The following COL24A1 variants were observed in gnomAD, a reference collection of about 807,000 sequenced individuals.
COL24A1 encodes the protein collagen alpha-1(XXIV) chain.
COL24A1 carries 224 observed loss-of-function variants against 253.9 expected under a neutral mutation model. The observed-to-expected ratio is 0.88, with a 90% CI of 0.79 to 0.99. The LOEUF is 0.99. Among genes scored for constraint, COL24A1 ranks in the 50% least tolerant of loss-of-function variants. The pLI is 0.00. For synonymous variants in COL24A1, 685 were observed against 673.7 expected (o/e 1.02, Z -0.26); for missense variants, 2,131 against 2,068.5 (o/e 1.03, Z -0.59).
chr1:85,858,621 C>CTCCTTCCTTCCTTCCTTCCTTCCTTCCT (rs1192322864), intron 37 of COL24A1, among the ~76,000 whole-genome samples: 4 of 113,370 alleles, frequency 3.5e-5, no homozygotes, highest in African/African-American at 9.3e-5. Flanking sequence ...TATTTTCTCC[C>CTCCTTCCTTCCTTCCTTCCTTCCTTCCT]TCCTTCCTTC....
intron 10 of COL24A1, among the ~76,000 whole-genome samples, chr1:86,051,554 T>C (rs910978123): frequency 1.3e-5 from 2 of 152,148 alleles, no homozygotes; most frequent in African/African-American, 2.4e-5. Flanking sequence ...GTCTGTGTGA[T>C]TGGTGGGCAA....
intron 45 of COL24A1, among the ~76,000 whole-genome samples, chr1:85,819,859 T>TG (rs1673432115): frequency 6.7e-6 from 1 of 150,326 alleles, no homozygotes; most frequent in African/African-American, 2.4e-5. Context: ...TTTTTTTTTT[T>TG]TTTTTTGAGA....
At chr1:85,961,422 T>A in intron 23 of COL24A1, 129 bp from the exon 24 acceptor site, 2 of 728,424 alleles carry the variant, frequency 2.7e-6, no homozygotes, top group Non-Finnish European at 4.6e-6. Flanking sequence ...GAAATTTCAG[T>A]TACTTAAAAC....
chr1:86,079,869 C>CA (rs1255411322), intron 7 of COL24A1, among the ~76,000 whole-genome samples: 2 of 151,966 alleles, frequency 1.3e-5, no homozygotes, highest in Non-Finnish European at 2.9e-5. Context: ...GGAGGTTCCT[C>CA]AAAAAAGTAA....
chr1:85,873,879 T>C (rs1478783780), intron 35 of COL24A1, among the ~76,000 whole-genome samples: 1 of 151,846 alleles, frequency 6.6e-6, no homozygotes, highest in East Asian at 1.9e-4. Context: ...CTTTTAGATA[T>C]GGAACTTGCA....
chr1:85,798,303 G>A (rs1400231253), intron 47 of COL24A1, among the ~76,000 whole-genome samples: 2 of 151,696 alleles, frequency 1.3e-5, no homozygotes, highest in East Asian at 3.9e-4. Context: ...TTGCCAATAC[G>A]CTGCCAAATA....
intron 22 of COL24A1, among the ~76,000 whole-genome samples, chr1:85,966,173 A>G (rs1293902646): frequency 6.6e-6 from 1 of 152,164 alleles, no homozygotes; most frequent in Non-Finnish European, 1.5e-5. Flanking sequence ...CTGGCGGGTC[A>G]TGTGTGAAAC....
At chr1:85,794,487 C>G (rs1056358005) in intron 47 of COL24A1, among the ~76,000 whole-genome samples, 1 of 152,108 alleles carries the variant, frequency 6.6e-6, no homozygotes, top group Admixed American at 6.5e-5. Context: ...AGATATTTAA[C>G]CCAGTAGAAT....
At chr1:85,998,316 C>T (rs1183048113) in intron 19 of COL24A1, among the ~76,000 whole-genome samples, 1 of 152,188 alleles carries the variant, frequency 6.6e-6, no homozygotes, top group Non-Finnish European at 1.5e-5. Context: ...CTGGTTCTTG[C>T]ACCACGTAAC....
At chr1:85,823,786 C>T (rs747902629) in intron 43 of COL24A1, 48 bp from the exon 44 acceptor site, 1 of 1,541,514 alleles carries the variant, frequency 6.5e-7, no homozygotes, top group South Asian at 1.1e-5. Flanking sequence ...AGACATGTGA[C>T]TTAAGAGAAT....
intron 19 of COL24A1, among the ~76,000 whole-genome samples, chr1:86,000,154 C>T (rs1202843394): frequency 6.6e-6 from 1 of 152,118 alleles, no homozygotes; most frequent in Non-Finnish European, 1.5e-5. Flanking sequence ...ATTCAAGGTC[C>T]ATCATTTCTG....
chr1:86,078,271 AC>A (rs756240042), intron 7 of COL24A1, among the ~76,000 whole-genome samples: 5 of 152,130 alleles, frequency 3.3e-5, no homozygotes, highest in Non-Finnish European at 5.9e-5. Context: ...TAAAAAAAAT[AC>A]CCTCAAAAAC....
At chr1:86,044,444 A>G (rs933689789) in intron 12 of COL24A1, among the ~76,000 whole-genome samples, 8 of 152,204 alleles carry the variant, frequency 5.3e-5, no homozygotes, top group Non-Finnish European at 1.0e-4. Flanking sequence ...CATACATAAT[A>G]TATTACGGTA....
chr1:85,813,304 G>A (rs1215903403), intron 47 of COL24A1, among the ~76,000 whole-genome samples: 1 of 151,706 alleles, frequency 6.6e-6, no homozygotes, highest in Non-Finnish European at 1.5e-5. Context: ...AAAGAAGTCA[G>A]CCTAAGAGTA....
At position 85,729,853 on chromosome 1, in the gene COL24A1, G is replaced by A. The variant is rs1663310111; in HGVS notation, c.*693C>T. 6.6e-6 allele frequency: 1 copy of A among 152,408 alleles called. No homozygotes were observed. 9.4% of individuals were successfully genotyped at this position (152,408 alleles called of 1,614,324 possible). On this transcript the variant is annotated 3_prime_UTR_variant, in exon 60 of 60. Coordinates refer to ENST00000370571, the MANE Select transcript of COL24A1 (RefSeq NM_152890.7). ...AAAGAGAATTTTAAAATAAAACAAG[G>A]ACTTCACATAAATAGTTTCACGTGT...
chr1:86,002,538 C>A (rs1340703390), intron 19 of COL24A1, among the ~76,000 whole-genome samples: 4 of 152,196 alleles, frequency 2.6e-5, no homozygotes, highest in Admixed American at 6.5e-5. Flanking sequence ...TTCCTGTGTT[C>A]TCCTGCCTCT....
chr1:85,923,075 G>A (rs956863074), intron 24 of COL24A1, among the ~76,000 whole-genome samples: 8 of 152,050 alleles, frequency 5.3e-5, no homozygotes, highest in Non-Finnish European at 1.2e-4. Context: ...GACAAAGAAG[G>A]CCATTACATA....
At chr1:85,874,548 A>C (rs1680908482) in intron 35 of COL24A1, 101 bp downstream of exon 35, 2 of 1,010,404 alleles carry the variant, frequency 2.0e-6, no homozygotes, top group Admixed American at 5.1e-5. Flanking sequence ...AATGTATCAG[A>C]AAGGTTTATT....
At chr1:86,030,266 G>C (rs1301318691) in intron 14 of COL24A1, 1 of 152,252 alleles carries the variant, frequency 6.6e-6, no homozygotes, top group Non-Finnish European at 1.5e-5. Context: ...TCCACTCTGA[G>C]GCTTTGTAAC....
Sources: gnomAD v4.1 joint callset for allele counts (sites outside exome capture counted in the v4.1 genomes callset) on GRCh38, gnomAD v4.1.1 for gene constraint, MANE v1.5 for transcripts, NCBI Gene and HGNC (gene_info 2026-07-23, HGNC 2026-07-21) for gene names.